The following COL6A6 variants were observed in gnomAD, a reference collection of about 807,000 sequenced individuals.
COL6A6 encodes the protein collagen type VI alpha 6 chain.
A neutral mutation model predicts 208.6 loss-of-function variants in COL6A6; 183 were observed. That is an observed-to-expected ratio of 0.88 (90% CI 0.78 to 0.99). The LOEUF (loss-of-function observed/expected upper bound fraction) is 0.99. Among genes scored for constraint, COL6A6 ranks in the 50% least tolerant of loss-of-function variants. The pLI, the probability that COL6A6 is intolerant of heterozygous loss-of-function variation, is 0.00. For synonymous variants in COL6A6, 973 were observed against 1,011.8 expected, an observed-to-expected ratio of 0.96 and a Z score of 0.73; for missense variants, 2,816 against 2,815.2, an observed-to-expected ratio of 1.00 and a Z score of -0.01.
chr3:130,534,932 G>A (rs936955812), intron 1 of COL6A6, among the ~76,000 whole-genome samples: 3 of 148,258 alleles, frequency 2.0e-5, no homozygotes, highest in Non-Finnish European at 2.9e-5. Context: ...TGTTATAGTA[G>A]CATTTATATT....
intron 8 of COL6A6, 102 bp downstream of exon 8, chr3:130,574,627 A>G (rs533605535): frequency 3.1e-5 from 28 of 907,908 alleles, no homozygotes; most frequent in African/African-American, 1.3e-4. Context: ...GAGAATTTAG[A>G]TTTGTGCCTC....
chr3:130,663,971 A>G (rs1240004985), intron 35 of COL6A6, among the ~76,000 whole-genome samples: 1 of 152,250 alleles, frequency 6.6e-6, no homozygotes. Context: ...GACTTGTACT[A>G]ACGCATTCAA....
chr3:130,604,575 T>C (rs990975681), intron 20 of COL6A6, among the ~76,000 whole-genome samples: 13 of 152,182 alleles, frequency 8.5e-5, no homozygotes, highest in African/African-American at 3.1e-4. Context: ...TCATTATTTG[T>C]GTGAATGGTG....
chr3:130,650,984 T>C (rs2065625828), intron 33 of COL6A6, among the ~76,000 whole-genome samples: 1 of 152,350 alleles, frequency 6.6e-6, no homozygotes, highest in South Asian at 2.1e-4. Flanking sequence ...CTAAATTTTC[T>C]GTGAAAGTGT....
intron 1 of COL6A6, among the ~76,000 whole-genome samples, chr3:130,540,874 A>C (rs979773661): frequency 6.6e-6 from 1 of 152,152 alleles, no homozygotes; most frequent in Non-Finnish European, 1.5e-5. Flanking sequence ...TCCATGGTGT[A>C]TATGTACCAG....
At chr3:130,520,482 A>G (rs2107659706) in intron 1 of COL6A6, among the ~76,000 whole-genome samples, 1 of 152,338 alleles carries the variant, frequency 6.6e-6, no homozygotes, top group South Asian at 2.1e-4. Context: ...AGAGGAGATT[A>G]CCACATAAAA....
At chr3:130,531,931 C>T (rs2062106605) in intron 1 of COL6A6, among the ~76,000 whole-genome samples, 1 of 152,086 alleles carries the variant, frequency 6.6e-6, no homozygotes, top group African/African-American at 2.4e-5. Context: ...AAAACCATGC[C>T]TTTTTCTGGT....
chr3:130,544,578 G>A (rs150389578), intron 1 of COL6A6, among the ~76,000 whole-genome samples: 33 of 152,284 alleles, frequency 2.2e-4, no homozygotes, highest in African/African-American at 7.2e-4. Flanking sequence ...AGGGTCATAC[G>A]TAGTTCTATT....
intron 8 of COL6A6, among the ~76,000 whole-genome samples, chr3:130,575,378 TAA>T (rs2063270744): frequency 6.6e-6 from 1 of 152,204 alleles, no homozygotes. Flanking sequence ...ACCTGAGATA[TAA>T]TTATAAAGTG....
chr3:130,655,647 G>T (rs1423900461), intron 33 of COL6A6, among the ~76,000 whole-genome samples: 1 of 152,156 alleles, frequency 6.6e-6, no homozygotes, highest in East Asian at 1.9e-4. Flanking sequence ...GTCTACTTTG[G>T]ATCCCATTTG....
intron 1 of COL6A6, among the ~76,000 whole-genome samples, chr3:130,537,249 T>A (rs1425328706): frequency 6.6e-6 from 1 of 152,244 alleles, no homozygotes; most frequent in African/African-American, 2.4e-5. Context: ...AATAGCTGTG[T>A]GACTTTCAGC....
At chr3:130,555,628 A>G (rs1048770674) in intron 1 of COL6A6, among the ~76,000 whole-genome samples, 2 of 152,088 alleles carry the variant, frequency 1.3e-5, no homozygotes, top group Non-Finnish European at 2.9e-5. Flanking sequence ...ACATTTCCCC[A>G]TTAGGATGAT....
chr3:130,621,273 T>C (rs1010077047), intron 23 of COL6A6, among the ~76,000 whole-genome samples: 2 of 152,220 alleles, frequency 1.3e-5, no homozygotes, highest in Admixed American at 6.5e-5. Context: ...TTTATTTACA[T>C]TTACTTTTCT....
chr3:130,536,707 G>A (rs2062233600), intron 1 of COL6A6, among the ~76,000 whole-genome samples: 4 of 152,198 alleles, frequency 2.6e-5, no homozygotes, highest in Admixed American at 2.6e-4. Flanking sequence ...CTGGAGTGGT[G>A]AGAGAGAGGA....
intron 2 of COL6A6, among the ~76,000 whole-genome samples, chr3:130,561,079 T>G (rs1334637272): frequency 1.3e-5 from 2 of 152,242 alleles, no homozygotes; most frequent in African/African-American, 2.4e-5. Context: ...TTGATGTATC[T>G]CTAAGCCTTG....
At chr3:130,616,463 G>A (rs78537912) in intron 23 of COL6A6, among the ~76,000 whole-genome samples, 5,773 of 150,058 alleles carry the variant, frequency 0.038, 396 homozygotes, top group African/African-American at 0.13. Context: ...GGAAGAAAGA[G>A]CTTTGAAAGG....
In COL6A6 at chr3:130,634,569, C is replaced by T. The variant is rs750372628; in HGVS notation, c.4993-21C>T. 3.1e-6 allele frequency: 5 copies of T among 1,597,700 alleles called. No homozygotes were observed. In the South Asian group the frequency reaches 5.7e-5, roughly 18 times the overall value. On this transcript the variant is annotated intron_variant, in intron 26 of 36. Coordinates refer to ENST00000358511, the MANE Select transcript of COL6A6 (RefSeq NM_001102608.3). Reference sequence around the variant, plus strand: ...TTGGGTGATGTGTGCCTGTATAAATCTTTCCTCCTGTCCATTACAGGGACA... The same window carrying T: ...TTGGGTGATGTGTGCCTGTATAAATTTTTCCTCCTGTCCATTACAGGGACA...
intron 20 of COL6A6, 75 bp from the exon 21 acceptor site, chr3:130,606,856 T>C: frequency 6.9e-6 from 8 of 1,161,792 alleles, no homozygotes; most frequent in Non-Finnish European, 1.0e-5. Flanking sequence ...CCTTAAAGTG[T>C]CCATTATGAA....
rs550649159 is a variant in COL6A6, at chr3:130,580,665, G to C, written c.3548-896G>C. ...GAAAAAAATTAGAGTTTTTAGCCAA[G>C]TTAAAAATTCGTGAAAGGAGAGTGT... On this transcript the variant is annotated intron_variant, in intron 8 of 36. Coordinates refer to ENST00000358511, the MANE Select transcript of COL6A6 (RefSeq NM_001102608.3). Among the ~76,000 whole-genome samples, 205 of 152,272 alleles carry C rather than the reference G, an allele frequency of 1.3e-3. 1 individual carries two copies. The highest frequency in any genetic ancestry group is 1.7e-3 in the South Asian group (8 of 4,820).
Sources: allele counts gnomAD v4.1 joint callset (sites outside exome capture counted in the v4.1 genomes callset), GRCh38; gene constraint gnomAD v4.1.1; transcripts MANE v1.5; gene names NCBI Gene and HGNC (gene_info 2026-07-23, HGNC 2026-07-21).